The following PTPRD variants were observed in gnomAD, a reference collection of about 807,000 sequenced individuals.
The protein encoded by PTPRD is receptor-type tyrosine-protein phosphatase delta.
In PTPRD, 34 loss-of-function variants were observed where a neutral mutation model predicts 214.5. The observed-to-expected ratio is 0.16, with a 90% CI of 0.12 to 0.21. PTPRD has a LOEUF of 0.21. Among genes scored for constraint, PTPRD ranks in the 10% least tolerant of loss-of-function variants. The pLI, the probability that PTPRD is intolerant of heterozygous loss-of-function variation, is 1.00. For synonymous variants in PTPRD, 1,128 were observed against 845.7 expected (o/e 1.33, Z -5.79); for missense variants, 2,545 against 2,398.7 (o/e 1.06, Z -1.27).
At chr9:9,350,622 A>G (rs989236485) in intron 9 of PTPRD, among the ~76,000 whole-genome samples, 4 of 152,060 alleles carry the variant, frequency 2.6e-5, no homozygotes, top group Non-Finnish European at 5.9e-5. Flanking sequence ...GTGATGTAGT[A>G]TCCTCTATAT....
At chr9:9,048,989 T>A (rs1394396708) in intron 10 of PTPRD, among the ~76,000 whole-genome samples, 1 of 152,106 alleles carries the variant, frequency 6.6e-6, no homozygotes, top group Non-Finnish European at 1.5e-5. Flanking sequence ...AAGTCACCTA[T>A]ACAAAAATAA....
At chr9:9,130,009 C>T (rs969197491) in intron 10 of PTPRD, among the ~76,000 whole-genome samples, 3 of 151,994 alleles carry the variant, frequency 2.0e-5, no homozygotes, top group Non-Finnish European at 2.9e-5. Context: ...CTTAAGAGTG[C>T]CTGACATATA....
chr9:9,217,222 T>G (rs756722604), intron 9 of PTPRD, among the ~76,000 whole-genome samples: 52 of 152,132 alleles, frequency 3.4e-4, no homozygotes, highest in Non-Finnish European at 1.5e-4. Context: ...GGCAAGATGT[T>G]TCTCATCTGT....
intron 2 of PTPRD, among the ~76,000 whole-genome samples, chr9:10,542,029 T>C (rs2059227709): frequency 6.6e-6 from 1 of 152,182 alleles, no homozygotes; most frequent in South Asian, 2.1e-4. Flanking sequence ...AATAAATTAA[T>C]GCACGTGGCC....
chr9:8,758,402 A>T (rs1470784553), intron 11 of PTPRD, among the ~76,000 whole-genome samples: 2 of 152,186 alleles, frequency 1.3e-5, no homozygotes, highest in Non-Finnish European at 2.9e-5. Flanking sequence ...CTGATACCTT[A>T]TGTTATATAC....
chr9:9,011,799 C>G (rs529067724), intron 11 of PTPRD, among the ~76,000 whole-genome samples: 1 of 152,164 alleles, frequency 6.6e-6, no homozygotes, highest in African/African-American at 2.4e-5. Flanking sequence ...AGGGAAGGCC[C>G]TGGCACTGGT....
intron 34 of PTPRD, among the ~76,000 whole-genome samples, chr9:8,448,091 G>A (rs1236821338): frequency 6.6e-6 from 1 of 152,088 alleles, no homozygotes; most frequent in African/African-American, 2.4e-5. Flanking sequence ...TTGGGAGGCT[G>A]AGGCAGGTGA....
chr9:8,887,288 T>C (rs916687372), intron 11 of PTPRD, among the ~76,000 whole-genome samples: 8 of 152,176 alleles, frequency 5.3e-5, no homozygotes, highest in African/African-American at 1.9e-4. Flanking sequence ...TTAAGGCCAC[T>C]GTCAAACACA....
intron 9 of PTPRD, among the ~76,000 whole-genome samples, chr9:9,255,323 C>T (rs1450455106): frequency 6.6e-6 from 1 of 152,004 alleles, no homozygotes; most frequent in East Asian, 1.9e-4. Context: ...CAATAATTTC[C>T]TTTAAAAGCC....
intron 5 of PTPRD, among the ~76,000 whole-genome samples, chr9:9,888,727 G>C (rs1252931279): frequency 6.6e-6 from 1 of 152,050 alleles, no homozygotes; most frequent in African/African-American, 2.4e-5. Flanking sequence ...GCTGAACCAT[G>C]AGCCAAATAG....
intron 27 of PTPRD, among the ~76,000 whole-genome samples, chr9:8,486,820 T>C (rs2097026844): frequency 6.6e-6 from 1 of 152,174 alleles, no homozygotes; most frequent in Non-Finnish European, 1.5e-5. Context: ...CTCACTACAT[T>C]CTCGGATTAG....
chr9:10,519,787 T>C (rs2051539430), intron 2 of PTPRD, among the ~76,000 whole-genome samples: 1 of 152,150 alleles, frequency 6.6e-6, no homozygotes, highest in African/African-American at 2.4e-5. Flanking sequence ...TTGATGTTAC[T>C]ATTGTCATTG....
chr9:10,271,860 T>A (rs2094442138), intron 3 of PTPRD, among the ~76,000 whole-genome samples: 1 of 152,060 alleles, frequency 6.6e-6, no homozygotes, highest in African/African-American at 2.4e-5. Context: ...GTTTCTTATA[T>A]CATTGGAATT....
rs148723497 is a variant in PTPRD at position 8,551,456 on chromosome 9, T to C, written c.353-22677A>G. On this transcript the variant is annotated intron_variant, in intron 14 of 45. Transcript: ENST00000381196. ...ATAAGAGAGTATATGGCAGATCTTT[T>C]TTCTTTCTCTTTTCCTTTCTCTTTT... is the stretch of plus-strand genomic sequence containing the variant. 1.5e-3 allele frequency among the ~76,000 whole-genome samples: 226 copies of C among 152,322 alleles called. 1 individual carries two copies. The highest frequency in any genetic ancestry group is 5.1e-3 in the African/African-American group (211 of 41,560).
chr9:8,756,962 G>A (rs1663464507), intron 11 of PTPRD, among the ~76,000 whole-genome samples: 1 of 152,012 alleles, frequency 6.6e-6, no homozygotes, highest in South Asian at 2.1e-4. Flanking sequence ...CCAACGTGGT[G>A]AAACCCTGTC....
chr9:10,602,428 A>T (rs953687515), intron 2 of PTPRD, among the ~76,000 whole-genome samples: 2 of 151,832 alleles, frequency 1.3e-5, no homozygotes, highest in Non-Finnish European at 2.9e-5. Context: ...TTTTTAAAAA[A>T]ATTTGATGAA....
intron 8 of PTPRD, among the ~76,000 whole-genome samples, chr9:9,548,895 T>A (rs972437525): frequency 1.3e-5 from 2 of 151,892 alleles, no homozygotes; most frequent in African/African-American, 4.8e-5. Flanking sequence ...AAGGAAGAAA[T>A]AGAACATTTT....
chr9:9,479,692 A>G (rs570427040), intron 8 of PTPRD, among the ~76,000 whole-genome samples: 40 of 152,108 alleles, frequency 2.6e-4, no homozygotes, highest in African/African-American at 8.9e-4. Flanking sequence ...ATTGTTTTAT[A>G]GATTGAAAAC....
chr9:10,029,913 T>A (rs1208510538), intron 4 of PTPRD, among the ~76,000 whole-genome samples: 1 of 152,100 alleles, frequency 6.6e-6, no homozygotes, highest in Non-Finnish European at 1.5e-5. Context: ...TTTCCATGTG[T>A]TGTGGGAGGG....
Sources: gnomAD v4.1 joint callset for allele counts (sites outside exome capture counted in the v4.1 genomes callset) on GRCh38, gnomAD v4.1.1 for gene constraint, MANE v1.5 for transcripts, NCBI Gene and HGNC (gene_info 2026-07-23, HGNC 2026-07-21) for gene names.